The following PDE10A variants were observed in gnomAD, a reference collection of about 807,000 sequenced individuals.
PDE10A encodes cAMP and cAMP-inhibited cGMP 3',5'-cyclic phosphodiesterase 10A.
In PDE10A, 39 loss-of-function variants were observed where a neutral mutation model predicts 97.7. That is an observed-to-expected ratio of 0.40 (90% CI 0.31 to 0.52). PDE10A has a LOEUF of 0.52. Ranked by LOEUF, PDE10A falls within the 20% of genes least tolerant of loss-of-function variation. The pLI is 0.56. For synonymous variants in PDE10A, 371 were observed against 376.8 expected, an observed-to-expected ratio of 0.98 and a Z score of 0.18; for missense variants, 731 against 1,047.8, an observed-to-expected ratio of 0.70 and a Z score of 4.17.
Position 165,619,409 on chromosome 6 carries a change from C to CTAATG in PDE10A, c.865+42537_865+42538insCATTA, listed in dbSNP as rs1562634724. 2.2e-3 allele frequency among the ~76,000 whole-genome samples: 16 copies of CTAATG among 7,314 alleles called. 2 individuals are homozygous for CTAATG. Among genetic ancestry groups the CTAATG allele is most frequent in the East Asian group, 6.7e-3 (2 of 300 alleles). 4.8% of individuals were successfully genotyped at this position (7,314 alleles called of 152,430 possible). A position where few individuals can be genotyped will look rare whatever the true frequency, so the allele number is the denominator to read the frequency against. Reference sequence around the variant, plus strand: ...CTAGTATAGTGTAGTGTAGTGTAGTCTAGTGTAGTGTAGTGTAGTATAGTG... The same window carrying CTAATG: ...CTAGTATAGTGTAGTGTAGTGTAGTCTAATGTAGTGTAGTGTAGTGTAGTATAGTG... On this transcript the variant is annotated intron_variant, in intron 1 of 21. Transcript: ENST00000539869.
At chr6:165,866,758 C>T (rs1781065758) in intron 1 of PDE10A, among the ~76,000 whole-genome samples, 1 of 148,146 alleles carries the variant, frequency 6.8e-6, no homozygotes, top group Non-Finnish European at 1.5e-5. Flanking sequence ...AGAAATCTAA[C>T]AGGCCAGGAA....
intron 18 of PDE10A, among the ~76,000 whole-genome samples, chr6:165,361,217 T>G (rs141753904): frequency 7.9e-4 from 120 of 152,202 alleles, no homozygotes; most frequent in African/African-American, 2.8e-3. Flanking sequence ...CTAAAAGACA[T>G]GTACAGAGCA....
At chr6:165,687,665 G>C (rs1332208591) in intron 1 of PDE10A, among the ~76,000 whole-genome samples, 4 of 152,240 alleles carry the variant, frequency 2.6e-5, no homozygotes, top group East Asian at 1.9e-4. Context: ...CCTGTTCTAC[G>C]CTGTTTTTAT....
chr6:165,410,524 G>T (rs1787663114), intron 13 of PDE10A, among the ~76,000 whole-genome samples: 2 of 152,052 alleles, frequency 1.3e-5, no homozygotes, highest in African/African-American at 4.8e-5. Context: ...CTGGAGGTTA[G>T]GTATCGTAGA....
intron 1 of PDE10A, among the ~76,000 whole-genome samples, chr6:165,685,391 C>CTGTG (rs143777196): frequency 3.3e-5 from 5 of 150,430 alleles, no homozygotes; most frequent in Non-Finnish European, 5.9e-5. Flanking sequence ...GGGCTTTATT[C>CTGTG]TGTGTGTGTG....
intron 1 of PDE10A, among the ~76,000 whole-genome samples, chr6:165,718,732 G>A (rs927657907): frequency 6.6e-6 from 1 of 152,058 alleles, no homozygotes; most frequent in Non-Finnish European, 1.5e-5. Context: ...GAAGTTTAGG[G>A]AGTCATCCCT....
chr6:165,663,949 G>A (rs1236983326), upstream of PDE10A, among the ~76,000 whole-genome samples: 1 of 152,224 alleles, frequency 6.6e-6, no homozygotes, highest in African/African-American at 2.4e-5. Context: ...GAAGTTTGGG[G>A]AAGTTGGAGC....
chr6:165,536,946 A>G (rs1783124532), intron 2 of PDE10A, among the ~76,000 whole-genome samples: 2 of 152,016 alleles, frequency 1.3e-5, no homozygotes, highest in South Asian at 2.1e-4. Context: ...TGCTAACTAT[A>G]TATCTCAAAG....
intron 1 of PDE10A, among the ~76,000 whole-genome samples, chr6:165,834,993 G>T (rs918194163): frequency 6.6e-6 from 1 of 152,244 alleles, no homozygotes; most frequent in Non-Finnish European, 1.5e-5. Context: ...GGGGCCAGGG[G>T]TGTTGGCAGA....
exon 1 of PDE10A, chr6:165,987,597 C>G (rs1346157750): frequency 7.2e-6 from 3 of 415,400 alleles, no homozygotes; most frequent in Admixed American, 6.1e-5. Flanking sequence ...TAAAAAGAGA[C>G]AGTGAGAGAA....
At chr6:165,618,874 C>T (rs1212703902) in intron 1 of PDE10A, among the ~76,000 whole-genome samples, 1 of 152,184 alleles carries the variant, frequency 6.6e-6, no homozygotes, top group African/African-American at 2.4e-5. Context: ...ACTAAAAGAG[C>T]CCTAGGAGCA....
At position 165,327,554 on chromosome 6, in the gene PDE10A, A is replaced by G. The variant is rs1781112771; in HGVS notation, c.*5471T>C. On this transcript the variant is annotated 3_prime_UTR_variant, in exon 22 of 22. Transcript: ENST00000539869. ...TATAATAAATGATTACTGTTCTATT[A>G]TACAAACATAACAGTAAATGTTTTT... 2 of 152,226 alleles carry G rather than the reference A, an allele frequency of 1.3e-5. No homozygotes were observed. Among genetic ancestry groups the G allele is most frequent in the African/African-American group, 4.8e-5 (2 of 41,466 alleles). The allele number at this position is 152,226 out of a possible 1,614,324, so 9.4% of individuals were successfully genotyped here.
At chr6:165,364,229 T>G (rs1011325104) in intron 18 of PDE10A, among the ~76,000 whole-genome samples, 1 of 152,208 alleles carries the variant, frequency 6.6e-6, no homozygotes, top group African/African-American at 2.4e-5. Flanking sequence ...GTGGGACTTT[T>G]GGAAGGAAGG....
intron 2 of PDE10A, among the ~76,000 whole-genome samples, chr6:165,516,897 C>T (rs561693954): frequency 3.7e-4 from 56 of 152,114 alleles, no homozygotes; most frequent in Non-Finnish European, 7.4e-4. Context: ...AAATGATTCA[C>T]TGTGATAAGC....
chr6:165,930,446 T>A (rs1182946214), intron 1 of PDE10A, among the ~76,000 whole-genome samples: 1 of 152,234 alleles, frequency 6.6e-6, no homozygotes, highest in Non-Finnish European at 1.5e-5. Context: ...CATGACCAAC[T>A]GGATCAGGGA....
At chr6:165,874,704 GGAA>G (rs1781290457) in intron 1 of PDE10A, among the ~76,000 whole-genome samples, 1 of 152,082 alleles carries the variant, frequency 6.6e-6, no homozygotes, top group Admixed American at 6.6e-5. Context: ...ATTGGGAAGT[GGAA>G]GAAGAATTAA....
At chr6:165,355,896 C>T (rs1462405321) in intron 18 of PDE10A, among the ~76,000 whole-genome samples, 1 of 152,080 alleles carries the variant, frequency 6.6e-6, no homozygotes, top group Non-Finnish European at 1.5e-5. Flanking sequence ...CATTTTCACA[C>T]CGCTATAAAG....
At chr6:165,528,238 T>C (rs572853276) in intron 2 of PDE10A, among the ~76,000 whole-genome samples, 1 of 137,252 alleles carries the variant, frequency 7.3e-6, no homozygotes, top group Admixed American at 8.0e-5. Flanking sequence ...GCCACGTGAG[T>C]GCTCACCAAT....
chr6:165,827,163 C>T (rs1471820232), intron 1 of PDE10A, among the ~76,000 whole-genome samples: 1 of 152,212 alleles, frequency 6.6e-6, no homozygotes. Context: ...CTCTTGTGCG[C>T]TCAGGTGGAG....
Sources: allele counts gnomAD v4.1 joint callset (sites outside exome capture counted in the v4.1 genomes callset), GRCh38; gene constraint gnomAD v4.1.1; transcripts MANE v1.5; gene names NCBI Gene and HGNC (gene_info 2026-07-23, HGNC 2026-07-21).